Variants in LNX2 observed in about 807,000 individuals in gnomAD.
LNX2 encodes the protein ligand of Numb protein X 2.
In LNX2, 35 loss-of-function variants were observed where a neutral mutation model predicts 66.2. The observed-to-expected ratio is 0.53, with a 90% CI of 0.40 to 0.70. LNX2 has a LOEUF of 0.70. Among genes scored for constraint, LNX2 ranks in the 30% least tolerant of loss-of-function variants. The pLI is 0.00. For synonymous variants in LNX2, 337 were observed against 315.6 expected (o/e 1.07, Z -0.72); for missense variants, 791 against 850.8 (o/e 0.93, Z 0.87).
intron 1 of LNX2, among the ~76,000 whole-genome samples, chr13:27,612,412 C>T (rs753491594): frequency 2.6e-5 from 4 of 152,218 alleles, no homozygotes; most frequent in African/African-American, 9.6e-5. Flanking sequence ...AGCCAGATAT[C>T]TGTTTAAGGA....
chr13:27,569,803 A>G (rs1483687925), intron 2 of LNX2, among the ~76,000 whole-genome samples: 1 of 152,208 alleles, frequency 6.6e-6, no homozygotes, highest in Non-Finnish European at 1.5e-5. Context: ...AAGGCAAAGG[A>G]AAGACCCATA....
rs1054299908 is a variant in LNX2 at position 27,548,253 on chromosome 13, C to T, written c.*82G>A. 27 of 1,444,982 alleles carry T rather than the reference C, an allele frequency of 1.9e-5. No individual in the cohort carries two copies. The African/African-American group carries it at 2.8e-4, about 15-fold the overall frequency. 89.5% of individuals were successfully genotyped at this position (1,444,982 alleles called of 1,614,324 possible). A position where few individuals can be genotyped will look rare whatever the true frequency, so the allele number is the denominator to read the frequency against. On this transcript the variant is annotated 3_prime_UTR_variant, in exon 10 of 10. Transcript: ENST00000316334. Reference sequence around the variant, plus strand: ...ACCAGCAGTGTCAGCAGCTCCTAAACCACAAACACAATGAAACCAAAGGGT... The same window carrying T: ...ACCAGCAGTGTCAGCAGCTCCTAAATCACAAACACAATGAAACCAAAGGGT...
At chr13:27,557,164 T>C (rs1004233351) in intron 6 of LNX2, among the ~76,000 whole-genome samples, 5 of 152,146 alleles carry the variant, frequency 3.3e-5, no homozygotes, top group Non-Finnish European at 7.4e-5. Context: ...ATATTAATAT[T>C]AAAATAATAA....
chr13:27,581,660 G>A lies in LNX2; in HGVS notation c.44C>T (p.Ser15Phe). 6.2e-7 allele frequency: 1 copy of A among 1,613,546 alleles called. No homozygotes were observed. Among genetic ancestry groups the A allele is most frequent in the Non-Finnish European group, 8.5e-7 (1 of 1,179,724 alleles). ...SDEMVSVEQT[S>F]SSSLNPLCFE... ...ACACAGGGGGTTTAGAGAAGAGGAG[G>A]AGGTCTGTTCCACAGACACCATCTC... Residue 15 changes from serine to phenylalanine, a missense_variant, in exon 2 of 10, where the codon TCC becomes TTC. By Grantham distance (155) the Ser-to-Phe change is radical. Coordinates refer to ENST00000316334, the MANE Select transcript of LNX2 (RefSeq NM_153371.4).
At chr13:27,614,444 GC>G (rs1955806123) in intron 1 of LNX2, among the ~76,000 whole-genome samples, 1 of 147,596 alleles carries the variant, frequency 6.8e-6, no homozygotes, top group Admixed American at 6.8e-5. Context: ...CCATGATTGT[GC>G]CCCCAACCAA....
At chr13:27,566,204 G>A (rs572038730) in intron 4 of LNX2, among the ~76,000 whole-genome samples, 1 of 152,314 alleles carries the variant, frequency 6.6e-6, no homozygotes, top group African/African-American at 2.4e-5. Flanking sequence ...AATGTAGGAG[G>A]AATCAGTATG....
Position 27,546,007 on chromosome 13 carries a change from G to A in LNX2, c.*2328C>T, listed in dbSNP as rs563979849. The A allele has an allele frequency of 6.6e-6, 1 of 152,290 alleles. No individual in the cohort carries two copies. Among genetic ancestry groups the A allele is most frequent in the East Asian group, 1.9e-4 (1 of 5,188 alleles). 9.4% of individuals were successfully genotyped at this position (152,290 alleles called of 1,614,324 possible). ...TGAAATAATTTAAACTGAAGGCACA[G>A]AACAAACCAAAATATTTAACTATCA... On this transcript the variant is annotated 3_prime_UTR_variant, in exon 10 of 10. Transcript: ENST00000316334.
chr13:27,562,893 T>C, intron 4 of LNX2, 112 bp from the exon 5 acceptor site: 2 of 1,036,932 alleles, frequency 1.9e-6, no homozygotes, highest in Non-Finnish European at 2.8e-6. Context: ...GTGCTAAGTA[T>C]GGTGAGAATG....
At chr13:27,583,234 G>C (rs1455877078) in intron 1 of LNX2, among the ~76,000 whole-genome samples, 1,878 of 23,032 alleles carry the variant, frequency 0.082, 635 homozygotes, top group African/African-American at 0.37. Flanking sequence ...GTGTGTGTGT[G>C]TGTGTGTGTG....
rs184654999 is a variant in LNX2, at chr13:27,552,098, T to G, written c.1778+1110A>C. 1.6e-4 allele frequency among the ~76,000 whole-genome samples: 25 copies of G among 152,364 alleles called. 1 individual carries two copies. The highest frequency in any genetic ancestry group is 1.5e-3 in the Admixed American group (23 of 15,304). Reference sequence around the variant, plus strand: ...CAGATTTTACTATACTGTGTATTTCTCATCTAAAATCTTTGCTATTATGCC... The same window carrying G: ...CAGATTTTACTATACTGTGTATTTCGCATCTAAAATCTTTGCTATTATGCC... On this transcript the variant is annotated intron_variant, in intron 8 of 9. Coordinates refer to ENST00000316334, the MANE Select transcript of LNX2 (RefSeq NM_153371.4).
intron 9 of LNX2, 61 bp downstream of exon 9, chr13:27,550,272 G>T: frequency 1.3e-6 from 2 of 1,482,874 alleles, no homozygotes; most frequent in Admixed American, 1.9e-5. Flanking sequence ...CCTGACCCCT[G>T]GTCTAGATCA....
At chr13:27,608,515 CATGT>C (rs1955741277) in intron 1 of LNX2, among the ~76,000 whole-genome samples, 1 of 152,052 alleles carries the variant, frequency 6.6e-6, no homozygotes, top group Non-Finnish European at 1.5e-5. Context: ...CTACATTAAG[CATGT>C]ATTAATTTTA....
intron 1 of LNX2, among the ~76,000 whole-genome samples, chr13:27,614,918 T>C (rs1955810667): frequency 6.6e-6 from 1 of 152,032 alleles, no homozygotes; most frequent in African/African-American, 2.4e-5. Context: ...TGAGAGGAAA[T>C]AAAAACACAC....
intron 1 of LNX2, among the ~76,000 whole-genome samples, chr13:27,613,923 A>G (rs1419925572): frequency 6.6e-6 from 1 of 152,242 alleles, no homozygotes; most frequent in Non-Finnish European, 1.5e-5. Flanking sequence ...CTTCTTAGGT[A>G]CTTGTTAAAT....
chr13:27,597,157 C>T (rs1305516007), intron 1 of LNX2, among the ~76,000 whole-genome samples: 1 of 152,160 alleles, frequency 6.6e-6, no homozygotes, highest in Non-Finnish European at 1.5e-5. Context: ...TTGTAGATGG[C>T]TAACTTCATT....
intron 2 of LNX2, among the ~76,000 whole-genome samples, chr13:27,572,239 T>C (rs576085085): frequency 6.6e-4 from 100 of 152,326 alleles, no homozygotes; most frequent in African/African-American, 2.3e-3. Flanking sequence ...TATCCATCTT[T>C]GGAAATGGAA....
At chr13:27,571,776 A>G (rs111374257) in intron 2 of LNX2, among the ~76,000 whole-genome samples, 22 of 152,352 alleles carry the variant, frequency 1.4e-4, no homozygotes, top group African/African-American at 5.1e-4. Flanking sequence ...GCTCATGAAT[A>G]CAGACAGCTC....
intron 1 of LNX2, among the ~76,000 whole-genome samples, chr13:27,602,329 C>G (rs1222276996): frequency 6.6e-6 from 1 of 152,098 alleles, no homozygotes; most frequent in Non-Finnish European, 1.5e-5. Flanking sequence ...AGATAGAGAA[C>G]AGAATCATTA....
At chr13:27,597,495 T>C (rs953582858) in intron 1 of LNX2, among the ~76,000 whole-genome samples, 4 of 152,156 alleles carry the variant, frequency 2.6e-5, no homozygotes, top group South Asian at 2.1e-4. Context: ...TGTGGGTATA[T>C]GCATGTAACG....
Sources: allele counts gnomAD v4.1 joint callset (sites outside exome capture counted in the v4.1 genomes callset), GRCh38; gene constraint gnomAD v4.1.1; transcripts MANE v1.5; gene names NCBI Gene and HGNC (gene_info 2026-07-23, HGNC 2026-07-21).